The following FYB2 variants were observed in gnomAD, a reference collection of about 807,000 sequenced individuals.
FYB2 encodes the protein FYN binding protein 2.
FYB2 carries 103 observed loss-of-function variants against 94.1 expected under a neutral mutation model. The ratio of observed to expected loss-of-function variants is 1.09; its 90% CI spans 0.93 to 1.29. FYB2 has a LOEUF of 1.29. FYB2 is among the 50% of genes most tolerant of loss of function. The pLI is 0.00. For synonymous variants in FYB2, 293 were observed against 287.9 expected (o/e 1.02, Z -0.18); for missense variants, 896 against 841.5 (o/e 1.06, Z -0.80).
At chr1:56,778,637 T>TA (rs1039981598) in intron 4 of FYB2, among the ~76,000 whole-genome samples, 25 of 152,044 alleles carry the variant, frequency 1.6e-4, no homozygotes, top group Non-Finnish European at 2.9e-5. Context: ...TAGAAAAACA[T>TA]AAAAAATAAA....
intron 1 of FYB2, 90 bp downstream of exon 1, chr1:56,819,192 C>T: frequency 6.4e-7 from 1 of 1,553,396 alleles, no homozygotes; most frequent in Non-Finnish European, 8.8e-7. Flanking sequence ...CACACACAAG[C>T]AGTTTTTCCC....
At chr1:56,760,344 T>C (rs1010073018) in intron 5 of FYB2, among the ~76,000 whole-genome samples, 6 of 152,142 alleles carry the variant, frequency 3.9e-5, no homozygotes, top group Non-Finnish European at 4.4e-5. Context: ...ATTCTAAACA[T>C]ATAATACACT....
rs900472857 is a variant in FYB2, at chr1:56,790,982, T to C, written c.757+1074A>G. The stretch of plus-strand genomic sequence containing the variant: ...ATTTAAGGAACAGCAAGAAATCTAG[T>C]GTGTTGACTATGGGCAGAGAGCTCG... On this transcript the variant is annotated intron_variant, in intron 2 of 19. Transcript: ENST00000343433. Among the ~76,000 whole-genome samples, 3 of 152,120 alleles carry C rather than the reference T, an allele frequency of 2.0e-5. No individual in the cohort carries two copies. In the East Asian group the frequency reaches 5.8e-4, roughly 29 times the overall value.
Position 56,738,605 on chromosome 1 carries a change from A to G in FYB2, c.1732+20T>C, listed in dbSNP as rs200236119. 9.6e-5 allele frequency: 155 copies of G among 1,606,450 alleles called. No individual in the cohort carries two copies. The highest frequency in any genetic ancestry group is 6.6e-4 in the Middle Eastern group (4 of 6,030). On this transcript the variant is annotated intron_variant, in intron 14 of 19. Coordinates refer to ENST00000343433, the MANE Select transcript of FYB2 (RefSeq NM_001004303.5). ...CAAAAGCTGAGTACTTTTGGTCTGC[A>G]ATAAGCAAATGGCACTTACCTAAAT...
chr1:56,790,265 T>A (rs11206917), intron 2 of FYB2, among the ~76,000 whole-genome samples: 2,960 of 152,302 alleles, frequency 0.019, 103 homozygotes, highest in African/African-American at 0.067. Flanking sequence ...AAAGCTTCCT[T>A]ATTGCTCCAC....
intron 5 of FYB2, among the ~76,000 whole-genome samples, chr1:56,760,078 CAA>C (rs35665176): frequency 5.3e-5 from 6 of 112,548 alleles, no homozygotes; most frequent in African/African-American, 3.3e-5. Context: ...GACTCCATCA[CAA>C]AAAAAAAAAA....
intron 9 of FYB2, 39 bp from the exon 10 acceptor site, chr1:56,744,305 G>A (rs768866726): frequency 2.1e-6 from 3 of 1,460,908 alleles, no homozygotes; most frequent in Admixed American, 1.7e-5. Context: ...CATCACATCA[G>A]CTGCCATCAT....
At chr1:56,769,828 A>G (rs1341112241) in intron 4 of FYB2, among the ~76,000 whole-genome samples, 2 of 152,190 alleles carry the variant, frequency 1.3e-5, no homozygotes, top group Non-Finnish European at 2.9e-5. Flanking sequence ...AAAATTCCAA[A>G]TAGGTCAAGG....
chr1:56,802,813 C>T (rs1486809702), intron 1 of FYB2, among the ~76,000 whole-genome samples: 3 of 152,208 alleles, frequency 2.0e-5, no homozygotes, highest in African/African-American at 7.2e-5. Flanking sequence ...TGTGCCTACA[C>T]TCCTTGTCAT....
intron 5 of FYB2, among the ~76,000 whole-genome samples, chr1:56,766,174 C>T (rs72909334): frequency 0.17 from 25,146 of 152,156 alleles, 2,308 homozygotes; most frequent in African/African-American, 0.23. Context: ...AGACTCCATA[C>T]CGGAGCTGCT....
At chr1:56,813,056 G>T (rs879616258) in intron 1 of FYB2, among the ~76,000 whole-genome samples, 54 of 152,280 alleles carry the variant, frequency 3.5e-4, no homozygotes, top group Middle Eastern at 3.4e-3. Context: ...TTGGCTTGTA[G>T]ATGGCTGTCT....
intron 17 of FYB2, 111 bp downstream of exon 17, chr1:56,723,477 C>T (rs1269835065): frequency 1.6e-5 from 9 of 569,038 alleles, no homozygotes; most frequent in Non-Finnish European, 2.4e-5. Flanking sequence ...TGTCAAAGAT[C>T]ATGTCTGTAT....
chr1:56,734,906 A>T (rs906035012), intron 15 of FYB2, among the ~76,000 whole-genome samples: 1 of 152,094 alleles, frequency 6.6e-6, no homozygotes, highest in African/African-American at 2.4e-5. Context: ...AACCACAATG[A>T]GGTATCATTT....
At position 56,720,304 on chromosome 1, in the gene FYB2, T is replaced by C. The variant is rs138521505; in HGVS notation, c.2000A>G (p.Asn667Ser). The C allele has an allele frequency of 2.5e-6, 4 of 1,606,790 alleles. No individual in the cohort carries two copies. Among genetic ancestry groups the C allele is most frequent in the Non-Finnish European group, 2.5e-6 (3 of 1,177,554 alleles). The change falls in exon 18 of 20, where the codon AAT becomes AGT. Residue 667 changes from asparagine (N) to serine (S), a missense_variant. By Grantham distance (46) the Asn-to-Ser change is conservative (BLOSUM62 1). Coordinates refer to ENST00000343433, the MANE Select transcript of FYB2 (RefSeq NM_001004303.5). ...FKYDKEIIVI[N>S]TAVACSNNSR... ...ATTATTGGAACAGGCCACTGCTGTA[T>C]TGATGACAATAATCTCTTTGTCGTA...
Position 56,809,358 on chromosome 1 carries a change from A to AT in FYB2, c.9+9923dup, listed in dbSNP as rs58070613. The stretch of plus-strand genomic sequence containing the variant: ...ATTTTCCTCTTCTCTCTCCCTCTGA[A>AT]TTTTTTTTTCTCTACATCCAGTCTT... On this transcript the variant is annotated intron_variant, in intron 1 of 19. Transcript: ENST00000343433. 4.8e-3 allele frequency among the ~76,000 whole-genome samples: 729 copies of AT among 151,606 alleles called. 12 individuals are homozygous for AT. Among genetic ancestry groups the AT allele is most frequent in the African/African-American group, 0.016 (677 of 41,330 alleles).
chr1:56,818,455 A>AACACAC (rs3991685), intron 1 of FYB2, among the ~76,000 whole-genome samples: 577 of 139,954 alleles, frequency 4.1e-3, no homozygotes, highest in African/African-American at 9.7e-3. Flanking sequence ...GTATGGAAGC[A>AACACAC]ACACACACAC....
intron 11 of FYB2, among the ~76,000 whole-genome samples, chr1:56,742,583 G>A (rs1039295317): frequency 6.6e-6 from 1 of 152,000 alleles, no homozygotes; most frequent in Admixed American, 6.6e-5. Flanking sequence ...TGAATGCTGG[G>A]GCAACCATGG....
chr1:56,789,508 C>T (rs1253785900), intron 2 of FYB2, among the ~76,000 whole-genome samples: 7 of 152,200 alleles, frequency 4.6e-5, no homozygotes, highest in African/African-American at 1.7e-4. Flanking sequence ...TCTCATATAT[C>T]CAAAATTTTG....
chr1:56,786,434 T>C (rs1418133871), intron 4 of FYB2, among the ~76,000 whole-genome samples: 1 of 152,218 alleles, frequency 6.6e-6, no homozygotes, highest in Non-Finnish European at 1.5e-5. Context: ...ACTTTACCAT[T>C]GTAAACATTT....
Sources: gnomAD v4.1 joint callset for allele counts (sites outside exome capture counted in the v4.1 genomes callset) on GRCh38, gnomAD v4.1.1 for gene constraint, MANE v1.5 for transcripts, NCBI Gene and HGNC (gene_info 2026-07-23, HGNC 2026-07-21) for gene names.